KCNMA1: variants seen among roughly 807,000 people sequenced by gnomAD.
KCNMA1 encodes the protein potassium calcium-activated channel subfamily M alpha 1, also known as Calcium-activated potassium channel subunit alpha-1.
In KCNMA1, 29 loss-of-function variants were observed where a neutral mutation model predicts 140.0. The ratio of observed to expected loss-of-function variants is 0.21; its 90% CI spans 0.15 to 0.28. The LOEUF (loss-of-function observed/expected upper bound fraction) is 0.28, where lower values mean the gene tolerates loss of function less well. Among genes scored for constraint, KCNMA1 ranks in the 10% least tolerant of loss-of-function variants. KCNMA1 has a pLI of 1.00. For missense variants in KCNMA1, 880 were observed against 1,602.2 expected (o/e 0.55, Z 7.70); for synonymous variants, 612 against 611.9 (o/e 1.00, Z 0.00).
intron 1 of KCNMA1, among the ~76,000 whole-genome samples, chr10:77,454,827 G>A (rs971354575): frequency 1.3e-5 from 2 of 152,110 alleles, no homozygotes; most frequent in African/African-American, 4.8e-5. Context: ...AAACAATCTA[G>A]AAGAGCAAGA....
chr10:77,243,364 G>A (rs2057769022), intron 3 of KCNMA1, among the ~76,000 whole-genome samples: 2 of 152,246 alleles, frequency 1.3e-5, no homozygotes, highest in Admixed American at 1.3e-4. Context: ...AAGGCCCAGT[G>A]CCATGTGACA....
At chr10:77,177,664 C>A (rs573455191) in intron 5 of KCNMA1, among the ~76,000 whole-genome samples, 1 of 152,184 alleles carries the variant, frequency 6.6e-6, no homozygotes, top group Admixed American at 6.5e-5. Flanking sequence ...ATGCTCCACA[C>A]ATACTAGGCT....
At chr10:76,935,489 G>T (rs2060325189) in intron 23 of KCNMA1, among the ~76,000 whole-genome samples, 1 of 152,202 alleles carries the variant, frequency 6.6e-6, no homozygotes, top group East Asian at 1.9e-4. Context: ...TATGGGAAAG[G>T]TACCTAATTC....
intron 3 of KCNMA1, among the ~76,000 whole-genome samples, chr10:77,248,360 G>A (rs550847148): frequency 1.3e-5 from 2 of 152,144 alleles, no homozygotes. Flanking sequence ...TCAGCATTCT[G>A]GAGGGGAGGG....
At chr10:77,599,644 C>G (rs898580274) in intron 1 of KCNMA1, among the ~76,000 whole-genome samples, 1 of 152,140 alleles carries the variant, frequency 6.6e-6, no homozygotes, top group Non-Finnish European at 1.5e-5. Context: ...GCAGAGTTGA[C>G]GATGTGTGAT....
rs1294051873 is a variant in KCNMA1, at chr10:77,317,533, T to C, written c.541-66277A>G. 2.0e-5 allele frequency among the ~76,000 whole-genome samples: 3 copies of C among 152,226 alleles called. No individual in the cohort carries two copies. The East Asian group carries it at 5.8e-4, about 29-fold the overall frequency. ...ACACTCGCAGAGGGAGATGAGGTTC[T>C]GAAATTTATTATCATAGCCTGGTTG... On this transcript the variant is annotated intron_variant, in intron 2 of 27. Coordinates refer to ENST00000286628, the MANE Select transcript of KCNMA1 (RefSeq NM_001161352.2).
chr10:77,286,274 G>A (rs778286203), intron 2 of KCNMA1, among the ~76,000 whole-genome samples: 2 of 152,150 alleles, frequency 1.3e-5, no homozygotes. Flanking sequence ...ACGCCACCTC[G>A]ATCTTGTCAC....
At position 76,965,273 on chromosome 10, in the gene KCNMA1, C is replaced by T. The variant is rs147225180; in HGVS notation, c.2360+4701G>A. 1.6e-4 allele frequency among the ~76,000 whole-genome samples: 25 copies of T among 152,306 alleles called. No individual in the cohort carries two copies. In the East Asian group the frequency reaches 3.9e-3, roughly 24 times the overall value. On this transcript the variant is annotated intron_variant, in intron 20 of 27. Coordinates refer to ENST00000286628, the MANE Select transcript of KCNMA1 (RefSeq NM_001161352.2). The stretch of plus-strand genomic sequence containing the variant: ...GTCTCAGGACTGATGTCAGGAATTA[C>T]GTGTGTCCTTGGGAAAACTATGTAT...
chr10:77,058,694 A>T (rs1182982315), intron 14 of KCNMA1, among the ~76,000 whole-genome samples: 1 of 152,094 alleles, frequency 6.6e-6, no homozygotes, highest in East Asian at 1.9e-4. Flanking sequence ...GAAATTAGAA[A>T]ATATTGTTAA....
intron 5 of KCNMA1, among the ~76,000 whole-genome samples, chr10:77,133,610 A>C (rs117516344): frequency 1.3e-4 from 18 of 142,336 alleles, no homozygotes; most frequent in Non-Finnish European, 2.7e-4. Context: ...TCCACAAAGA[A>C]TGTGTAACAA....
At chr10:77,468,822 T>G (rs2098089940) in intron 1 of KCNMA1, among the ~76,000 whole-genome samples, 1 of 152,214 alleles carries the variant, frequency 6.6e-6, no homozygotes, top group Non-Finnish European at 1.5e-5. Flanking sequence ...CACAGAGATG[T>G]GTTGAGTACC....
At chr10:76,949,511 A>G (rs903935870) in intron 21 of KCNMA1, 145 bp from the exon 22 acceptor site, 12 of 720,102 alleles carry the variant, frequency 1.7e-5, no homozygotes, top group African/African-American at 1.6e-4. Flanking sequence ...CATCAATGTT[A>G]TATACATGCC....
chr10:77,265,013 GGATGCCAGAAGCCAGAT>G (rs1224928818), intron 2 of KCNMA1, among the ~76,000 whole-genome samples: 2 of 152,064 alleles, frequency 1.3e-5, no homozygotes, highest in African/African-American at 4.8e-5. Context: ...GGGCAAAGCA[GGATGCCAGAAGCCAGAT>G]GATGTTCATA....
intron 1 of KCNMA1, among the ~76,000 whole-genome samples, chr10:77,516,727 GGGCTCC>G (rs372810478): frequency 1.2e-3 from 188 of 152,318 alleles, no homozygotes; most frequent in African/African-American, 4.4e-3. Flanking sequence ...TCATGTGTCT[GGGCTCC>G]GGCTCCGGTG....
At chr10:77,490,819 C>G (rs816847) in intron 1 of KCNMA1, among the ~76,000 whole-genome samples, 28,027 of 152,078 alleles carry the variant, frequency 0.18, 4,523 homozygotes, top group African/African-American at 0.43. Flanking sequence ...TCTCCAGGAC[C>G]GAAATCTCTA....
chr10:77,347,219 C>T (rs1190203608), intron 2 of KCNMA1, among the ~76,000 whole-genome samples: 2 of 152,186 alleles, frequency 1.3e-5, no homozygotes, highest in Non-Finnish European at 2.9e-5. Context: ...TACCAGCACT[C>T]ATCATATACC....
chr10:77,001,262 T>G, intron 19 of KCNMA1, 145 bp downstream of exon 19: 1 of 744,008 alleles, frequency 1.3e-6, no homozygotes, highest in Non-Finnish European at 2.3e-6. Context: ...CATAGGCAGC[T>G]GGGGCAACAT....
intron 1 of KCNMA1, among the ~76,000 whole-genome samples, chr10:77,609,533 A>G (rs943537128): frequency 6.6e-6 from 1 of 152,226 alleles, no homozygotes; most frequent in African/African-American, 2.4e-5. Context: ...TCATGGTGAT[A>G]ACAATTAATA....
chr10:77,353,978 GGGGTGGT>G (rs1566187517), intron 2 of KCNMA1, among the ~76,000 whole-genome samples: 1 of 143,528 alleles, frequency 7.0e-6, no homozygotes, highest in African/African-American at 2.7e-5. Context: ...TTTGGGGGGG[GGGGTGGT>G]GGGGGTGGAG....
Sources: gnomAD v4.1 joint callset for allele counts (sites outside exome capture counted in the v4.1 genomes callset) on GRCh38, gnomAD v4.1.1 for gene constraint, MANE v1.5 for transcripts, NCBI Gene and HGNC (gene_info 2026-07-23, HGNC 2026-07-21) for gene names.